SNX9: variants seen among roughly 807,000 people sequenced by gnomAD.
The protein encoded by SNX9 is sorting nexin 9.
A neutral mutation model predicts 89.4 loss-of-function variants in SNX9; 44 were observed. The ratio of observed to expected loss-of-function variants is 0.49; its 90% CI spans 0.39 to 0.63. The LOEUF (loss-of-function observed/expected upper bound fraction) is 0.63. Among genes scored for constraint, SNX9 ranks in the 30% least tolerant of loss-of-function variants. The pLI is 0.00. For missense variants in SNX9, 578 were observed against 736.1 expected (o/e 0.79, Z 2.49); for synonymous variants, 236 against 247.8 (o/e 0.95, Z 0.45).
intron 10 of SNX9, among the ~76,000 whole-genome samples, chr6:157,926,780 CAAAAA>C (rs71027371): frequency 4.3e-3 from 262 of 60,714 alleles, no homozygotes; most frequent in African/African-American, 8.4e-3. Flanking sequence ...GACTCTGTCT[CAAAAA>C]AAAAAAAAAA....
intron 10 of SNX9, 46 bp downstream of exon 10, chr6:157,921,707 C>T: frequency 1.3e-6 from 2 of 1,572,842 alleles, no homozygotes; most frequent in Non-Finnish European, 1.7e-6. Context: ...TGAGAGTTGT[C>T]TCATTCACAC....
intron 5 of SNX9, among the ~76,000 whole-genome samples, chr6:157,898,309 G>A (rs1262662865): frequency 1.3e-5 from 2 of 152,292 alleles, no homozygotes; most frequent in South Asian, 2.1e-4. Context: ...AGATTCAAAC[G>A]CTGGGTTGGT....
intron 2 of SNX9, among the ~76,000 whole-genome samples, chr6:157,868,015 A>G (rs1019617901): frequency 1.3e-5 from 2 of 152,238 alleles, no homozygotes; most frequent in Non-Finnish European, 2.9e-5. Flanking sequence ...CCCTAGCATG[A>G]TAATACTGTA....
At chr6:157,928,809 TGGTGGACGGCAG>T in intron 12 of SNX9, 107 bp downstream of exon 12, 1 of 822,290 alleles carries the variant, frequency 1.2e-6, no homozygotes, top group African/African-American at 1.8e-5. Context: ...GAAGTGTATT[TGGTGGACGGCAG>T]TAATGTCCCT....
chr6:157,941,038 G>C, intron 17 of SNX9, 64 bp downstream of exon 17: 1 of 1,370,038 alleles, frequency 7.3e-7, no homozygotes, highest in Non-Finnish European at 1.0e-6. Flanking sequence ...AAACCACTTT[G>C]ACCATGTAAA....
intron 2 of SNX9, among the ~76,000 whole-genome samples, chr6:157,869,828 ACT>A (rs1449058432): frequency 2.7e-5 from 4 of 150,792 alleles, no homozygotes; most frequent in Admixed American, 6.6e-5. Context: ...ACTCTCACGC[ACT>A]CTCTCACATT....
chr6:157,882,445 C>T (rs891102028), intron 4 of SNX9, among the ~76,000 whole-genome samples: 1 of 152,218 alleles, frequency 6.6e-6, no homozygotes, highest in Non-Finnish European at 1.5e-5. Flanking sequence ...GTAATTTTGA[C>T]TTCTAAGTCC....
intron 10 of SNX9, among the ~76,000 whole-genome samples, chr6:157,926,447 T>C (rs977420558): frequency 6.6e-6 from 1 of 152,200 alleles, no homozygotes; most frequent in Admixed American, 6.5e-5. Flanking sequence ...TTTACCTTTT[T>C]AGAAAACAGA....
intron 12 of SNX9, among the ~76,000 whole-genome samples, chr6:157,929,998 T>C (rs900255736): frequency 1.3e-5 from 2 of 152,144 alleles, no homozygotes. Flanking sequence ...ATATTGTCTT[T>C]GGCTACATTT....
At chr6:157,874,496 A>AC (rs1782480173) in intron 3 of SNX9, 1 of 152,184 alleles carries the variant, frequency 6.6e-6, no homozygotes, top group Non-Finnish European at 1.5e-5. Flanking sequence ...AGAATATAAA[A>AC]CCCCCTCTAT....
chr6:157,931,361 G>T (rs1358765936), intron 12 of SNX9, among the ~76,000 whole-genome samples: 1 of 152,146 alleles, frequency 6.6e-6, no homozygotes, highest in Non-Finnish European at 1.5e-5. Context: ...ATTTTTTAAA[G>T]AAACATTAAA....
At chr6:157,862,936 A>G (rs1782174966) in intron 1 of SNX9, among the ~76,000 whole-genome samples, 1 of 152,240 alleles carries the variant, frequency 6.6e-6, no homozygotes, top group South Asian at 2.1e-4. Context: ...ATGAGGAGAT[A>G]CATTGGCTCC....
intron 1 of SNX9, among the ~76,000 whole-genome samples, chr6:157,863,013 C>A (rs1006884475): frequency 1.3e-5 from 2 of 152,202 alleles, no homozygotes; most frequent in African/African-American, 4.8e-5. Flanking sequence ...GACACTGTTT[C>A]TCTTTGTCAT....
intron 8 of SNX9, 50 bp from the exon 9 acceptor site, chr6:157,909,858 A>G (rs547971159): frequency 1.2e-6 from 2 of 1,610,598 alleles, no homozygotes; most frequent in East Asian, 2.2e-5. Flanking sequence ...TTTTTTCTTC[A>G]TTTTCTAGAG....
chr6:157,859,613 G>C (rs1371235151), intron 1 of SNX9, among the ~76,000 whole-genome samples: 1 of 152,196 alleles, frequency 6.6e-6, no homozygotes, highest in Admixed American at 6.5e-5. Context: ...AATACTGGTA[G>C]AAGTTTAAAT....
intron 1 of SNX9, among the ~76,000 whole-genome samples, chr6:157,862,997 A>G (rs538462659): frequency 4.7e-4 from 71 of 152,342 alleles, no homozygotes; most frequent in African/African-American, 1.5e-3. Flanking sequence ...TTTGTCCTTC[A>G]AACAGGACAC....
At chr6:157,831,104 A>G (rs1019014370) in intron 1 of SNX9, among the ~76,000 whole-genome samples, 5 of 152,222 alleles carry the variant, frequency 3.3e-5, no homozygotes, top group Admixed American at 6.5e-5. Context: ...GCTTCTCTTA[A>G]GCATGTCAAA....
At chr6:157,900,706 A>G (rs1783079213) in intron 5 of SNX9, among the ~76,000 whole-genome samples, 1 of 152,218 alleles carries the variant, frequency 6.6e-6, no homozygotes, top group Non-Finnish European at 1.5e-5. Context: ...GAAGTACAGT[A>G]TACAGAGATA....
At chr6:157,871,542 G>A (rs967777351) in intron 2 of SNX9, among the ~76,000 whole-genome samples, 5 of 152,060 alleles carry the variant, frequency 3.3e-5, no homozygotes, top group Non-Finnish European at 7.4e-5. Flanking sequence ...GTGGGAGGAG[G>A]GGGGAGGGAT....
Sources: gnomAD v4.1 joint callset for allele counts (sites outside exome capture counted in the v4.1 genomes callset) on GRCh38, gnomAD v4.1.1 for gene constraint, MANE v1.5 for transcripts, NCBI Gene and HGNC (gene_info 2026-07-23, HGNC 2026-07-21) for gene names.